Variants in PGR observed in about 807,000 individuals in gnomAD.
PGR encodes the protein progesterone receptor.
In PGR, 25 loss-of-function variants were observed where a neutral mutation model predicts 76.1. The observed-to-expected ratio is 0.33, with a 90% CI of 0.24 to 0.46. The LOEUF (loss-of-function observed/expected upper bound fraction) is 0.46. Among genes scored for constraint, PGR ranks in the 20% least tolerant of loss-of-function variants. PGR has a pLI of 1.00. For synonymous variants in PGR, 579 were observed against 535.0 expected (o/e 1.08, Z -1.14); for missense variants, 1,172 against 1,225.3 (o/e 0.96, Z 0.65).
chr11:101,050,348 T>C lies in PGR; in HGVS notation c.2358-289A>G, dbSNP rs3802828. ...CTCACTTTTATTATCACACTTTAAA[T>C]ACCTAAACCAAGAAAACACAGCAGA... On this transcript the variant is annotated intron_variant, in intron 5 of 7. Coordinates refer to ENST00000325455, the MANE Select transcript of PGR (RefSeq NM_000926.4). Among the ~76,000 whole-genome samples the C allele has an allele frequency of 4.5e-4, 69 of 152,250 alleles. 1 individual carries two copies. The East Asian group carries it at 0.01, about 23-fold the overall frequency.
At chr11:101,087,224 G>A (rs780587009) in intron 3 of PGR, among the ~76,000 whole-genome samples, 16 of 152,046 alleles carry the variant, frequency 1.1e-4, no homozygotes, top group Admixed American at 8.5e-4. Flanking sequence ...ATACTGGCAC[G>A]AGAGCAGACA....
At chr11:101,101,272 C>A (rs184192655) in intron 2 of PGR, among the ~76,000 whole-genome samples, 1 of 152,054 alleles carries the variant, frequency 6.6e-6, no homozygotes, top group Admixed American at 6.5e-5. Flanking sequence ...AACATGAGTA[C>A]ATAATGATAT....
intron 2 of PGR, 121 bp from the exon 3 acceptor site, chr11:101,091,997 C>A: frequency 1.4e-6 from 1 of 694,404 alleles, no homozygotes; most frequent in Non-Finnish European, 2.6e-6. Flanking sequence ...CAGCCAGCTT[C>A]CTGCCTGGCA....
At chr11:101,097,885 C>T (rs1565357238) in intron 2 of PGR, among the ~76,000 whole-genome samples, 1 of 151,616 alleles carries the variant, frequency 6.6e-6, no homozygotes, top group Non-Finnish European at 1.5e-5. Flanking sequence ...CATGCCATTC[C>T]CCTGCCTCAG....
chr11:101,081,637 A>G (rs1051863564), intron 3 of PGR, among the ~76,000 whole-genome samples: 6 of 152,260 alleles, frequency 3.9e-5, no homozygotes, highest in South Asian at 4.1e-4. Context: ...TCAACCAAGA[A>G]TTTCACATCC....
chr11:101,061,606 AT>A (rs1177596193), intron 4 of PGR, among the ~76,000 whole-genome samples: 8 of 152,182 alleles, frequency 5.3e-5, no homozygotes, highest in Admixed American at 5.2e-4. Flanking sequence ...TAGAAAAATA[AT>A]TTGTCTATAG....
intron 5 of PGR, 125 bp from the exon 6 acceptor site, chr11:101,050,184 A>T (rs562239988): frequency 2.2e-6 from 2 of 919,750 alleles, no homozygotes; most frequent in East Asian, 2.7e-5. Context: ...GAAAATGACT[A>T]CTACTTTTAA....
intron 2 of PGR, among the ~76,000 whole-genome samples, chr11:101,100,593 A>G (rs542193729): frequency 6.9e-6 from 1 of 145,144 alleles, no homozygotes; most frequent in African/African-American, 2.5e-5. Context: ...TGCTGATACT[A>G]GTATTTTGAA....
intron 3 of PGR, among the ~76,000 whole-genome samples, chr11:101,074,208 A>C (rs1267007274): frequency 6.6e-6 from 1 of 152,216 alleles, no homozygotes; most frequent in African/African-American, 2.4e-5. Flanking sequence ...TCACATAAAC[A>C]GAACCAATGA....
In PGR at chr11:101,127,522, G is replaced by A. The variant is rs1463531945; in HGVS notation, c.1549C>T (p.Leu517Phe). ...AAPALYPALG[L>F]NGLPQLGYQA... ...TAGCCGAGCTGCGGGAGCCCGTTGA[G>A]GCCGAGTGCAGGGTAGAGCGCGGGG... Residue 517 changes from leucine to phenylalanine, a missense_variant, in exon 1 of 8, where the codon CTC (leucine) becomes TTC (phenylalanine). Transcript: ENST00000325455. 4 of 1,533,254 alleles carry A rather than the reference G, an allele frequency of 2.6e-6. No homozygotes were observed. The highest frequency in any genetic ancestry group is 2.0e-5 in the Admixed American group (1 of 50,502). The allele number at this position is 1,533,254 out of a possible 1,614,324, so 95.0% of individuals were successfully genotyped here.
At chr11:101,064,809 A>G (rs73571746) in intron 3 of PGR, among the ~76,000 whole-genome samples, 38 of 152,332 alleles carry the variant, frequency 2.5e-4, no homozygotes, top group African/African-American at 8.7e-4. Flanking sequence ...GTTTCAGTCA[A>G]TGACAGACCA....
chr11:101,043,636 T>G, intron 6 of PGR, among the ~76,000 whole-genome samples: 1 of 152,296 alleles, frequency 6.6e-6, no homozygotes, highest in Admixed American at 6.5e-5. Context: ...CAAAATATAT[T>G]TCTTAAATAA....
rs534249790 is a variant in PGR at position 101,109,308 on chromosome 11, C to T, written c.1789+16699G>A. On this transcript the variant is annotated intron_variant, in intron 2 of 7. Coordinates refer to ENST00000325455, the MANE Select transcript of PGR (RefSeq NM_000926.4). Reference sequence around the variant, plus strand: ...GAGGGAGGAATGTCAAAAGCCAAGACAGGCCAAAAGCTAGGCCTCTTGCAC... The same window carrying T: ...GAGGGAGGAATGTCAAAAGCCAAGATAGGCCAAAAGCTAGGCCTCTTGCAC... 7.9e-5 allele frequency among the ~76,000 whole-genome samples: 12 copies of T among 152,310 alleles called. No individual in the cohort carries two copies. The South Asian group carries it at 2.5e-3, about 32-fold the overall frequency.
chr11:101,030,247 C>A lies in PGR; in HGVS notation c.*8869G>T, dbSNP rs11224558. 4.5e-6 allele frequency: 1 copy of A among 222,704 alleles called. No homozygotes were observed. The highest frequency in any genetic ancestry group is 8.9e-6 in the Non-Finnish European group (1 of 111,760). The allele number at this position is 222,704 out of a possible 1,614,324, so 13.8% of individuals were successfully genotyped here. A position where few individuals can be genotyped will look rare whatever the true frequency, so the allele number is the denominator to read the frequency against. ...TAACACTAGTTTTACTAATAAGCAA[C>A]GGGGTAGATAACTTTGAAGATTGCA... is the stretch of plus-strand genomic sequence containing the variant. On this transcript the variant is annotated 3_prime_UTR_variant, in exon 8 of 8. Transcript: ENST00000325455.
At chr11:101,084,605 C>A (rs1591399781) in intron 3 of PGR, among the ~76,000 whole-genome samples, 1 of 135,644 alleles carries the variant, frequency 7.4e-6, no homozygotes, top group East Asian at 2.0e-4. Flanking sequence ...TTGCAGTGAG[C>A]TGAGATTGCG....
intron 2 of PGR, among the ~76,000 whole-genome samples, chr11:101,096,677 C>T (rs1040816391): frequency 1.6e-4 from 24 of 152,220 alleles, no homozygotes; most frequent in Non-Finnish European, 7.3e-5. Context: ...GAAAATCTAA[C>T]ATAACATCAG....
chr11:101,075,819 T>C (rs376482417), intron 3 of PGR, among the ~76,000 whole-genome samples: 3 of 151,934 alleles, frequency 2.0e-5, no homozygotes, highest in African/African-American at 7.3e-5. Context: ...CAGGAAACAA[T>C]AGATGCCGGA....
chr11:101,109,505 T>C (rs897445392), intron 2 of PGR, among the ~76,000 whole-genome samples: 2 of 152,226 alleles, frequency 1.3e-5, no homozygotes, highest in African/African-American at 4.8e-5. Context: ...AGCCACAACA[T>C]TCCCTTCAGC....
At chr11:101,079,474 TGAAA>T (rs1565347989) in intron 3 of PGR, among the ~76,000 whole-genome samples, 2 of 151,618 alleles carry the variant, frequency 1.3e-5, no homozygotes, top group South Asian at 4.2e-4. Flanking sequence ...AGAAATTTCT[TGAAA>T]GAAGACATAC....
Sources: allele counts gnomAD v4.1 joint callset (sites outside exome capture counted in the v4.1 genomes callset), GRCh38; gene constraint gnomAD v4.1.1; transcripts MANE v1.5; gene names NCBI Gene and HGNC (gene_info 2026-07-23, HGNC 2026-07-21).